The following SLC4A4 variants were observed in gnomAD, a reference collection of about 807,000 sequenced individuals.
The protein encoded by SLC4A4 is electrogenic sodium bicarbonate cotransporter 1.
A neutral mutation model predicts 111.5 loss-of-function variants in SLC4A4; 27 were observed. The ratio of observed to expected loss-of-function variants is 0.24; its 90% CI spans 0.18 to 0.33. The LOEUF (loss-of-function observed/expected upper bound fraction) is 0.33. Among genes scored for constraint, SLC4A4 ranks in the 10% least tolerant of loss-of-function variants. The pLI is 1.00. For missense variants in SLC4A4, 909 were observed against 1,315.5 expected (o/e 0.69, Z 4.78); for synonymous variants, 443 against 463.4 (o/e 0.96, Z 0.57).
At chr4:71,094,346 A>T (rs890311937) in intron 2 of SLC4A4, among the ~76,000 whole-genome samples, 4 of 152,232 alleles carry the variant, frequency 2.6e-5, no homozygotes, top group Admixed American at 6.5e-5. Context: ...TACTTCTAAG[A>T]GCTTCTCCAG....
intron 12 of SLC4A4, among the ~76,000 whole-genome samples, chr4:71,458,083 C>T (rs1415275255): frequency 1.3e-5 from 2 of 151,934 alleles, no homozygotes; most frequent in Admixed American, 1.3e-4. Flanking sequence ...TATGGATGGG[C>T]CAATTCATTT....
chr4:71,395,583 T>G (rs1230867298), intron 6 of SLC4A4, among the ~76,000 whole-genome samples: 1 of 152,208 alleles, frequency 6.6e-6, no homozygotes, highest in African/African-American at 2.4e-5. Context: ...TTGGAAAAGC[T>G]GTCACATCAA....
At chr4:71,548,658 AT>A (rs1205109056) in intron 20 of SLC4A4, among the ~76,000 whole-genome samples, 3 of 151,928 alleles carry the variant, frequency 2.0e-5, no homozygotes, top group Non-Finnish European at 4.4e-5. Flanking sequence ...TTCTCTTACA[AT>A]TTTTATTTTT....
intron 12 of SLC4A4, among the ~76,000 whole-genome samples, chr4:71,458,119 A>G (rs1037018176): frequency 7.2e-5 from 11 of 152,118 alleles, no homozygotes; most frequent in African/African-American, 2.7e-4. Flanking sequence ...AAACAAGTAT[A>G]CTGCTTAATT....
rs146848667 is a variant in SLC4A4 at position 71,534,391 on chromosome 4, A to G, written c.2442+3A>G. ...ACAGGAAAGAACATAAACTCAAGGT[A>G]AGTGTCCATAATAATGTCTGTCATT... On this transcript the variant is annotated splice_donor_region_variant and intron_variant, in intron 18 of 25. Transcript: ENST00000264485. 3 of 1,613,050 alleles carry G rather than the reference A, an allele frequency of 1.9e-6. No individual in the cohort carries two copies. The highest frequency in any genetic ancestry group is 2.5e-6 in the Non-Finnish European group (3 of 1,179,238).
At chr4:71,098,887 G>A (rs1742636056) in intron 2 of SLC4A4, among the ~76,000 whole-genome samples, 1 of 152,084 alleles carries the variant, frequency 6.6e-6, no homozygotes, top group Non-Finnish European at 1.5e-5. Context: ...ATGGTAAAGG[G>A]TAATTCAACA....
chr4:71,554,772 C>T (rs563653684), intron 20 of SLC4A4, among the ~76,000 whole-genome samples: 2 of 151,800 alleles, frequency 1.3e-5, no homozygotes, highest in South Asian at 4.1e-4. Context: ...TCTATTAATA[C>T]CTCTGTTTCT....
At chr4:71,204,503 A>G (rs969827949) in intron 1 of SLC4A4, among the ~76,000 whole-genome samples, 1 of 152,170 alleles carries the variant, frequency 6.6e-6, no homozygotes, top group African/African-American at 2.4e-5. Flanking sequence ...TCTTGTTTCC[A>G]TACAGGTTTC....
rs570530559 is a variant in SLC4A4 at position 71,193,352 on chromosome 4, G to A, written c.-2+5951G>A. Reference sequence around the variant, plus strand: ...TTTTTTGTATTTTTAGTAGAGACAGGGTTTCACCGTGTTAGCCAGGATGGT... The same window carrying A: ...TTTTTTGTATTTTTAGTAGAGACAGAGTTTCACCGTGTTAGCCAGGATGGT... On this transcript the variant is annotated intron_variant, in intron 1 of 25. Coordinates refer to ENST00000264485, the MANE Select transcript of SLC4A4 (RefSeq NM_001098484.3). Among the ~76,000 whole-genome samples, 10 of 152,222 alleles carry A rather than the reference G, an allele frequency of 6.6e-5. No individual in the cohort carries two copies. The East Asian group carries it at 1.9e-3, about 29-fold the overall frequency.
chr4:71,233,966 A>G (rs574958367), intron 1 of SLC4A4, among the ~76,000 whole-genome samples: 1 of 152,174 alleles, frequency 6.6e-6, no homozygotes, highest in African/African-American at 2.4e-5. Flanking sequence ...TCATCTCCTA[A>G]AGTTGACCTT....
chr4:71,168,949 C>T (rs1441465460), intron 2 of SLC4A4, among the ~76,000 whole-genome samples: 1 of 152,012 alleles, frequency 6.6e-6, no homozygotes, highest in Non-Finnish European at 1.5e-5. Context: ...TATTGATTTC[C>T]TTTTTTTGGG....
chr4:71,221,413 T>C (rs1474191504), intron 1 of SLC4A4, among the ~76,000 whole-genome samples: 1 of 152,226 alleles, frequency 6.6e-6, no homozygotes, highest in African/African-American at 2.4e-5. Flanking sequence ...ATGTCATTCT[T>C]ATGGCAAAGG....
intron 3 of SLC4A4, among the ~76,000 whole-genome samples, chr4:71,321,620 G>T (rs1727126825): frequency 6.6e-6 from 1 of 151,908 alleles, no homozygotes. Context: ...TCTGGCATCT[G>T]GGGAGGGCCT....
chr4:71,390,749 T>C (rs1056066259), intron 6 of SLC4A4, among the ~76,000 whole-genome samples: 1 of 152,160 alleles, frequency 6.6e-6, no homozygotes, highest in Non-Finnish European at 1.5e-5. Flanking sequence ...TGATGAAGTT[T>C]ATGTGTTTAT....
intron 16 of SLC4A4, among the ~76,000 whole-genome samples, chr4:71,515,753 G>A (rs779748596): frequency 2.6e-5 from 4 of 152,048 alleles, no homozygotes; most frequent in Non-Finnish European, 5.9e-5. Flanking sequence ...TTGACTCAAA[G>A]TCTGTTTTAT....
intron 18 of SLC4A4, among the ~76,000 whole-genome samples, chr4:71,537,314 T>C (rs1485395407): frequency 6.6e-6 from 1 of 152,084 alleles, no homozygotes; most frequent in East Asian, 1.9e-4. Flanking sequence ...TGTATACACA[T>C]ATGTCTACAT....
chr4:71,387,758 G>T (rs76046123), intron 6 of SLC4A4, among the ~76,000 whole-genome samples: 1 of 152,084 alleles, frequency 6.6e-6, no homozygotes, highest in African/African-American at 2.4e-5. Context: ...CCTCCGAAGC[G>T]CTGGGATTAC....
chr4:71,101,376 T>C (rs1055883356), intron 2 of SLC4A4, among the ~76,000 whole-genome samples: 1 of 152,206 alleles, frequency 6.6e-6, no homozygotes, highest in Admixed American at 6.5e-5. Flanking sequence ...TCAAACTACA[T>C]TGACATTCAA....
chr4:71,418,967 T>A (rs1722082917), intron 7 of SLC4A4, among the ~76,000 whole-genome samples: 1 of 152,216 alleles, frequency 6.6e-6, no homozygotes, highest in African/African-American at 2.4e-5. Flanking sequence ...CTCCAGACCC[T>A]GTTTGCCTGG....
Sources: gnomAD v4.1 joint callset for allele counts (sites outside exome capture counted in the v4.1 genomes callset) on GRCh38, gnomAD v4.1.1 for gene constraint, MANE v1.5 for transcripts, NCBI Gene and HGNC (gene_info 2026-07-23, HGNC 2026-07-21) for gene names.